The following LMNA variants were observed in gnomAD, a reference collection of about 807,000 sequenced individuals.
LMNA encodes the protein lamin.
Under a neutral mutation model 70.4 loss-of-function variants are expected in LMNA, and 20 were observed. That is an observed-to-expected ratio of 0.28 (90% confidence interval 0.20 to 0.41). LMNA has a LOEUF of 0.41. Among genes scored for constraint, LMNA ranks in the 10% least tolerant of loss-of-function variants. The pLI is 1.00. For missense variants in LMNA, 652 were observed against 917.2 expected (o/e 0.71, Z 3.73); for synonymous variants, 339 against 372.8 (o/e 0.91, Z 1.04).
chr1:156,129,504 A>T (rs1045401166), intron 1 of LMNA, among the ~76,000 whole-genome samples: 2 of 152,030 alleles, frequency 1.3e-5, no homozygotes, highest in Non-Finnish European at 2.9e-5. Context: ...CCTTCTGCCC[A>T]CGCTTGGTTT....
rs553612807 is a variant in LMNA at position 156,118,313 on chromosome 1, G to A, written c.356+3039G>A. ...CAAAACTTTGATCGAGAAACAGATT[G>A]AGTGGATTCGATATTCTCTTGCTCA... On this transcript the variant is annotated intron_variant, in intron 1 of 11. Transcript: ENST00000368300. Among the ~76,000 whole-genome samples, 58 of 152,310 alleles carry A rather than the reference G, an allele frequency of 3.8e-4. No homozygotes were observed. The South Asian group carries it at 0.011, about 30-fold the overall frequency.
Position 156,139,453 on chromosome 1 carries a change from A to T in LMNA, c.*347A>T. 1.5e-6 allele frequency: 2 copies of T among 1,339,638 alleles called. No individual in the cohort carries two copies. The highest frequency in any genetic ancestry group is 9.6e-7 in the Non-Finnish European group (1 of 1,047,096). The allele number at this position is 1,339,638 out of a possible 1,614,324, so 83.0% of individuals were successfully genotyped here. A position where few individuals can be genotyped will look rare whatever the true frequency, so the allele number is the denominator to read the frequency against. On this transcript the variant is annotated 3_prime_UTR_variant, in exon 12 of 12. Coordinates refer to ENST00000368300, the MANE Select transcript of LMNA (RefSeq NM_170707.4). Reference sequence around the variant, plus strand: ...GGAAAGGGGTGCTTTTATAGAGGCTAGCTTCTGCTTTTCTGCCCTGGCTGC... The same window carrying T: ...GGAAAGGGGTGCTTTTATAGAGGCTTGCTTCTGCTTTTCTGCCCTGGCTGC...
intron 1 of LMNA, among the ~76,000 whole-genome samples, chr1:156,118,366 C>T (rs182593004): frequency 6.6e-6 from 1 of 152,322 alleles, no homozygotes; most frequent in East Asian, 1.9e-4. Context: ...GTCTCCTCTG[C>T]CTCCTAGTGC....
chr1:156,093,309 T>G (rs1044992242), intron 3 of LMNA, among the ~76,000 whole-genome samples: 1 of 146,810 alleles, frequency 6.8e-6, no homozygotes, highest in South Asian at 2.2e-4. Flanking sequence ...ATTTTTTTTT[T>G]TTTTTTTTTT....
chr1:156,119,733 C>A lies in LMNA; in HGVS notation c.356+4459C>A, dbSNP rs369624577. 1.2e-4 allele frequency among the ~76,000 whole-genome samples: 18 copies of A among 152,204 alleles called. No individual in the cohort carries two copies. The East Asian group carries it at 2.5e-3, about 21-fold the overall frequency. The stretch of plus-strand genomic sequence containing the variant: ...GGGTGGATGACTCAGATGCTGCCCC[C>A]CTCCCTCCCACCCTGGTGGCTTTAC... On this transcript the variant is annotated intron_variant, in intron 1 of 11. Coordinates refer to ENST00000368300, the MANE Select transcript of LMNA (RefSeq NM_170707.4).
At chr1:156,101,804 T>C (rs1467827102) in intron 3 of LMNA, among the ~76,000 whole-genome samples, 1 of 151,848 alleles carries the variant, frequency 6.6e-6, no homozygotes, top group Non-Finnish European at 1.5e-5. Flanking sequence ...GAGCTGGAGG[T>C]AGAACATAGA....
At chr1:156,110,160 ATTTTT>A (rs1649484408), upstream of LMNA, among the ~76,000 whole-genome samples, 1 of 151,928 alleles carries the variant, frequency 6.6e-6, no homozygotes, top group Non-Finnish European at 1.5e-5. Context: ...TCTGCTTTAT[ATTTTT>A]ATTTCCATAG....
chr1:156,126,827 A>G lies in LMNA; in HGVS notation c.357-3790A>G. The stretch of plus-strand genomic sequence containing the variant: ...GATGCAGCCACTCCTGTGCTTGGGG[A>G]ACCTGGAGGATGCAAGGGAAAGGAC... On this transcript the variant is annotated intron_variant, in intron 1 of 11. Transcript: ENST00000368300. The G allele has an allele frequency of 6.2e-6, 10 of 1,611,726 alleles. No homozygotes were observed. The highest frequency in any genetic ancestry group is 8.5e-6 in the Non-Finnish European group (10 of 1,179,554).
chr1:156,126,893 C>G (rs752549023), intron 1 of LMNA: 1 of 1,608,696 alleles, frequency 6.2e-7, no homozygotes, highest in Non-Finnish European at 8.5e-7. Context: ...GGGCAGGACA[C>G]GGGCGAAGCC....
In LMNA at chr1:156,135,623, A is replaced by G. The variant is rs748746204; in HGVS notation, c.937-278A>G. The G allele has an allele frequency of 1.3e-4, 74 of 591,330 alleles. No homozygotes were observed. The highest frequency in any genetic ancestry group is 4.5e-4 in the Middle Eastern group (1 of 2,216). The allele number at this position is 591,330 out of a possible 1,614,324, so 36.6% of individuals were successfully genotyped here. A position where few individuals can be genotyped will look rare whatever the true frequency, so the allele number is the denominator to read the frequency against. ...TGCAATGTGAGGTGTTAAAAGCATC[A>G]GTATTTTTCTAGTTGGCTGTGCTAT... On this transcript the variant is annotated intron_variant, in intron 5 of 11. Coordinates refer to ENST00000368300, the MANE Select transcript of LMNA (RefSeq NM_170707.4). The surrounding 1 kb of genome is among the most constrained non-coding windows in gnomAD (Gnocchi z 4.8).
intron 3 of LMNA, among the ~76,000 whole-genome samples, chr1:156,102,942 A>G (rs1023439346): frequency 6.6e-6 from 1 of 152,060 alleles, no homozygotes; most frequent in Non-Finnish European, 1.5e-5. Flanking sequence ...GGTCTGCCTT[A>G]TTTCCTGGGA....
intron 1 of LMNA, chr1:156,126,573 G>T (rs887429773): frequency 7.4e-6 from 6 of 805,770 alleles, no homozygotes; most frequent in East Asian, 2.5e-5. Context: ...CCAAGGGCCC[G>T]GGCCTGCTGC....
intron 3 of LMNA, among the ~76,000 whole-genome samples, chr1:156,105,238 T>G (rs1252985634): frequency 1.3e-5 from 2 of 152,146 alleles, no homozygotes; most frequent in Non-Finnish European, 2.9e-5. Context: ...GACAGGGGAA[T>G]CTGGGGAGTT....
At chr1:156,129,871 C>G (rs1177481022) in intron 1 of LMNA, 2 of 770,790 alleles carry the variant, frequency 2.6e-6, no homozygotes, top group African/African-American at 3.4e-5. Context: ...GGCCTGGGAT[C>G]CACATCTGGA....
upstream of LMNA, among the ~76,000 whole-genome samples, chr1:156,111,417 T>C (rs561518186): frequency 6.6e-6 from 1 of 150,588 alleles, no homozygotes; most frequent in Non-Finnish European, 1.5e-5. Flanking sequence ...CTGTTGCACT[T>C]CAGCCTGGGT....
chr1:156,117,680 C>A (rs746684861), intron 1 of LMNA, among the ~76,000 whole-genome samples: 15 of 152,224 alleles, frequency 9.9e-5, no homozygotes, highest in Non-Finnish European at 1.8e-4. Flanking sequence ...AGGCAGGCAC[C>A]ACCACCCACA....
chr1:156,132,457 G>A (rs1302361054), intron 2 of LMNA, among the ~76,000 whole-genome samples: 3 of 151,962 alleles, frequency 2.0e-5, no homozygotes, highest in South Asian at 2.1e-4. Context: ...GCAACAGAGC[G>A]AGACTCCATC....
rs1423135266 is a variant in LMNA, at chr1:156,139,154, C to T, written c.*48C>T. On this transcript the variant is annotated 3_prime_UTR_variant, in exon 12 of 12. Coordinates refer to ENST00000368300, the MANE Select transcript of LMNA (RefSeq NM_170707.4). The stretch of plus-strand genomic sequence containing the variant: ...TGGGGGTGGAGGCTTCCTGCGTCCT[C>T]CTCACCTCATGCCCACCCCCTGCCC... 6.2e-7 allele frequency: 1 copy of T among 1,612,886 alleles called. No homozygotes were observed. Among genetic ancestry groups the T allele is most frequent in the Non-Finnish European group, 8.5e-7 (1 of 1,179,864 alleles).
Position 156,115,296 on chromosome 1 carries a change from C to A in LMNA, c.356+22C>A. ...CGCGGTGAGTTCGCCCAGGTGGCTG[C>A]GTGCCTGGCGGGGAGTGGAGAGGGC... On this transcript the variant is annotated intron_variant, in intron 1 of 11. Coordinates refer to ENST00000368300, the MANE Select transcript of LMNA (RefSeq NM_170707.4). This position sits in a 1 kb window ranked among gnomAD's most constrained non-coding sequence, Gnocchi z 5.8. 7 of 1,583,118 alleles carry A rather than the reference C, an allele frequency of 4.4e-6. No individual in the cohort carries two copies. Among genetic ancestry groups the A allele is most frequent in the Non-Finnish European group, 6.0e-6 (7 of 1,169,438 alleles).
Sources: allele counts gnomAD v4.1 joint callset (sites outside exome capture counted in the v4.1 genomes callset), GRCh38; gene constraint gnomAD v4.1.1; non-coding constraint Gnocchi (gnomAD v3.1); transcripts MANE v1.5; gene names NCBI Gene and HGNC (gene_info 2026-07-23, HGNC 2026-07-21).